SAMTOR: variants seen among roughly 807,000 people sequenced by gnomAD.
SAMTOR encodes S-adenosylmethionine sensor upstream of mTORC1.
the SAMTOR span, among the ~76,000 whole-genome samples, chr7:112,896,724 T>C: frequency 2.0e-5 from 3 of 152,182 alleles, no homozygotes; most frequent in Admixed American, 1.3e-4. Flanking sequence ...AAATAATTAC[T>C]ATATATAACA....
the SAMTOR span, among the ~76,000 whole-genome samples, chr7:112,922,123 T>G: frequency 6.6e-6 from 1 of 151,910 alleles, no homozygotes; most frequent in Non-Finnish European, 1.5e-5. Flanking sequence ...GCCTGACTGG[T>G]TTTCGTATTT....
the SAMTOR span, among the ~76,000 whole-genome samples, chr7:112,855,620 C>CCCT: frequency 6.6e-6 from 1 of 152,060 alleles, no homozygotes; most frequent in Non-Finnish European, 1.5e-5. Context: ...GATCACTGCC[C>CCCT]CCTCCGTTTT....
chr7:112,902,300 C>T, the SAMTOR span, among the ~76,000 whole-genome samples: 22 of 151,242 alleles, frequency 1.5e-4, no homozygotes, highest in African/African-American at 5.1e-4. Flanking sequence ...ACTTGGGAGG[C>T]TGAGGCAGGA....
At chr7:112,855,838 C>T in the SAMTOR span, among the ~76,000 whole-genome samples, 1 of 151,770 alleles carries the variant, frequency 6.6e-6, no homozygotes, top group African/African-American at 2.4e-5. Context: ...ACTGAATTAA[C>T]AAGGAATAAC....
At chr7:112,848,375 CCTATT>C in the SAMTOR span, among the ~76,000 whole-genome samples, 45 of 152,178 alleles carry the variant, frequency 3.0e-4, no homozygotes, top group Admixed American at 7.2e-4. Context: ...TTATTGAATA[CCTATT>C]CTATCTGTTA....
the SAMTOR span, among the ~76,000 whole-genome samples, chr7:112,927,654 T>C: frequency 6.6e-6 from 1 of 151,936 alleles, no homozygotes; most frequent in African/African-American, 2.4e-5. Context: ...GAGAACAAAA[T>C]CTGCAATGGG....
At chr7:112,898,858 A>G in the SAMTOR span, among the ~76,000 whole-genome samples, 1 of 152,358 alleles carries the variant, frequency 6.6e-6, no homozygotes, top group East Asian at 1.9e-4. Context: ...CAGAAGTTGC[A>G]GTGTACCTGG....
the SAMTOR span, among the ~76,000 whole-genome samples, chr7:112,916,218 T>C: frequency 3.3e-5 from 5 of 152,278 alleles, no homozygotes; most frequent in Admixed American, 2.0e-4. Context: ...TTAAATAAAA[T>C]TAAATCAGTC....
At chr7:112,822,025 T>C in the SAMTOR span, 2 of 1,613,762 alleles carry the variant, frequency 1.2e-6, no homozygotes, top group Non-Finnish European at 1.7e-6. Context: ...ATCAGATGCA[T>C]ATGTGAAAAT....
the SAMTOR span, among the ~76,000 whole-genome samples, chr7:112,837,699 TA>T: frequency 2.6e-5 from 4 of 152,088 alleles, no homozygotes; most frequent in Admixed American, 2.0e-4. Flanking sequence ...GTATATACAG[TA>T]AATTCTGGCT....
At chr7:112,924,704 A>T in the SAMTOR span, among the ~76,000 whole-genome samples, 2 of 152,172 alleles carry the variant, frequency 1.3e-5, no homozygotes, top group Non-Finnish European at 1.5e-5. Flanking sequence ...AGCAGGGAAA[A>T]GTTTTCTAGA....
the SAMTOR span, among the ~76,000 whole-genome samples, chr7:112,822,542 CA>C: frequency 6.6e-6 from 1 of 152,014 alleles, no homozygotes; most frequent in African/African-American, 2.4e-5. Flanking sequence ...ACAACTTTTA[CA>C]AAAATCTCAA....
chr7:112,867,671 C>T, the SAMTOR span, among the ~76,000 whole-genome samples: 2 of 152,120 alleles, frequency 1.3e-5, no homozygotes, highest in Admixed American at 1.3e-4. Flanking sequence ...AATCATAAAA[C>T]ATGGAATAAT....
chr7:112,900,647 C>T, the SAMTOR span, among the ~76,000 whole-genome samples: 1 of 152,070 alleles, frequency 6.6e-6, no homozygotes, highest in African/African-American at 2.4e-5. Flanking sequence ...TACTATAAAG[C>T]TACAGTAATC....
At chr7:112,888,304 GATCT>G in the SAMTOR span, among the ~76,000 whole-genome samples, 1 of 152,076 alleles carries the variant, frequency 6.6e-6, no homozygotes, top group African/African-American at 2.4e-5. Flanking sequence ...TCTGTATAAT[GATCT>G]ATCTTTTTAA....
chr7:112,878,890 GAA>G, the SAMTOR span, among the ~76,000 whole-genome samples: 1 of 152,038 alleles, frequency 6.6e-6, no homozygotes, highest in East Asian at 1.9e-4. Context: ...AGTAAAACTG[GAA>G]AAAGAGACTA....
At chr7:112,835,944 G>A in the SAMTOR span, among the ~76,000 whole-genome samples, 2 of 152,006 alleles carry the variant, frequency 1.3e-5, no homozygotes, top group East Asian at 1.9e-4. Flanking sequence ...CGTGATGAAC[G>A]TATGTGTGCA....
At chr7:112,917,717 G>A in the SAMTOR span, among the ~76,000 whole-genome samples, 122 of 151,866 alleles carry the variant, frequency 8.0e-4, no homozygotes, top group Non-Finnish European at 1.4e-3. Context: ...TTAGACAAAT[G>A]TATAACTAGA....
chr7:112,843,396 A>G, the SAMTOR span, among the ~76,000 whole-genome samples: 6 of 152,050 alleles, frequency 3.9e-5, no homozygotes, highest in African/African-American at 7.2e-5. Context: ...AGTGATGAGA[A>G]TAAGTATTCT....
Sources: allele counts gnomAD v4.1 joint callset (sites outside exome capture counted in the v4.1 genomes callset), GRCh38; gene constraint gnomAD v4.1.1; transcripts MANE v1.5; gene names NCBI Gene and HGNC (gene_info 2026-07-23, HGNC 2026-07-21).